Variants in CARMIL3 observed in about 807,000 individuals in gnomAD.
The protein encoded by CARMIL3 is capping protein, Arp2/3 and myosin-I linker protein 3.
In CARMIL3, 88 loss-of-function variants were observed where a neutral mutation model predicts 180.8. The ratio of observed to expected loss-of-function variants is 0.49; its 90% confidence interval spans 0.41 to 0.58. The LOEUF (loss-of-function observed/expected upper bound fraction) is 0.58, where lower values mean the gene tolerates loss of function less well. CARMIL3 is among the 20% of genes least tolerant of loss of function. CARMIL3 has a pLI of 0.00. For synonymous variants in CARMIL3, 696 were observed against 714.5 expected, an observed-to-expected ratio of 0.97 and a Z score of 0.41; for missense variants, 1,548 against 1,787.0, an observed-to-expected ratio of 0.87 and a Z score of 2.41.
Position 24,054,794 on chromosome 14 carries a change from C to A in CARMIL3, c.446C>A (p.Thr149Asn), listed in dbSNP as rs756195429. 1 of 1,613,870 alleles carries A rather than the reference C, an allele frequency of 6.2e-7. No individual in the cohort carries two copies. Among genetic ancestry groups the A allele is most frequent in the Non-Finnish European group, 8.5e-7 (1 of 1,179,922 alleles). Reference protein sequence around the residue: ...SPNSETSTSTTHSVCGGFSET... With the variant: ...SPNSETSTSTNHSVCGGFSET... ...AACTCTGAGACTTCCACATCTACCACCCACAGTGTCTGCGGTGAGCAGGGG... is the reference window on the plus strand; with the variant it reads ...AACTCTGAGACTTCCACATCTACCAACCACAGTGTCTGCGGTGAGCAGGGG... Residue 149 changes from threonine to asparagine, a missense_variant, in exon 6 of 40, where the codon ACC becomes AAC. Around this residue, in one of 4 missense-constraint regions of CARMIL3, gnomAD observed 578 missense variants for 666.5 expected, o/e 0.87. Coordinates refer to ENST00000342740, the MANE Select transcript of CARMIL3 (RefSeq NM_138360.4). This position sits in a 1 kb window ranked among gnomAD's most constrained non-coding sequence, Gnocchi z 5.1.
intron 36 of CARMIL3, among the ~76,000 whole-genome samples, chr14:24,067,155 A>C (rs1490621407): frequency 6.6e-6 from 1 of 152,228 alleles, no homozygotes; most frequent in Non-Finnish European, 1.5e-5. Flanking sequence ...GGAGGTCAGA[A>C]ACCTGCAGTA....
intron 36 of CARMIL3, among the ~76,000 whole-genome samples, chr14:24,067,188 G>A (rs796466886): frequency 5.3e-5 from 8 of 152,312 alleles, no homozygotes; most frequent in African/African-American, 1.9e-4. Flanking sequence ...AGCCACCCGC[G>A]ACCTTAAACA....
chr14:24,057,277 G>A (rs767390319), intron 14 of CARMIL3, 33 bp downstream of exon 14: 3 of 1,603,774 alleles, frequency 1.9e-6, no homozygotes, highest in Non-Finnish European at 2.6e-6. Context: ...CCAGTCTGAG[G>A]TGATTTGGGG....
At chr14:24,069,275 C>G in intron 39 of CARMIL3, 28 bp downstream of exon 39, 3 of 1,612,432 alleles carry the variant, frequency 1.9e-6, no homozygotes, top group Non-Finnish European at 2.5e-6. Flanking sequence ...GCAGGTCCCC[C>G]CTTCCCACCT....
At chr14:24,052,976 C>T (rs909561389) in intron 1 of CARMIL3, among the ~76,000 whole-genome samples, 2 of 152,180 alleles carry the variant, frequency 1.3e-5, no homozygotes, top group African/African-American at 2.4e-5. Context: ...CCGTGGCAAT[C>T]TCCCACACCT....
rs1201387865 is a variant in CARMIL3 at position 24,065,230 on chromosome 14, C to G, written c.3353C>G (p.Pro1118Arg). The change falls in exon 33 of 40, where the codon CCT becomes CGT. Residue 1118 changes from proline (P) to arginine (R), a missense_variant. By Grantham distance (103) the Pro-to-Arg change is moderately radical. Coordinates refer to ENST00000342740, the MANE Select transcript of CARMIL3 (RefSeq NM_138360.4). ...WSPEEESSLL[P>R]GFGGGRGPSF... Reference sequence around the variant, plus strand: ...CCAGAGGAGGAGAGCAGCCTCCTCCCTGGATTTGGTGGGGGCCGGGGACCT... The same window carrying G: ...CCAGAGGAGGAGAGCAGCCTCCTCCGTGGATTTGGTGGGGGCCGGGGACCT... 1.3e-6 allele frequency: 2 copies of G among 1,555,054 alleles called. No homozygotes were observed. Among genetic ancestry groups the G allele is most frequent in the Non-Finnish European group, 1.7e-6 (2 of 1,157,378 alleles).
chr14:24,069,193 GCA>G lies in CARMIL3; in HGVS notation c.4042_4043del (p.Gln1348ValfsTer3), dbSNP rs777000802. 1.2e-6 allele frequency: 2 copies of G among 1,614,060 alleles called. No individual in the cohort carries two copies. The highest frequency in any genetic ancestry group is 1.7e-6 in the Non-Finnish European group (2 of 1,179,974). ...CCTGAAGCCCAAGAGGACACGGCGG[GCA>G]CAGTCCTGTGACAAGCTGGAACCTG... ...APLKPKRTRRAQSCDKLEPDR... is the reference protein window; with the variant it reads ...APLKPKRTRRXQSCDKLEPDR... On this transcript the variant is annotated frameshift_variant, in exon 39 of 40. Transcript: ENST00000342740. LOFTEE classifies it high-confidence loss of function.
chr14:24,056,263 C>T, intron 10 of CARMIL3, 36 bp from the exon 11 acceptor site: 1 of 1,560,946 alleles, frequency 6.4e-7, no homozygotes, highest in Non-Finnish European at 8.8e-7. Flanking sequence ...ACCTGGGGCT[C>T]AGCTCAGGAC....
At chr14:24,053,863 G>T in intron 2 of CARMIL3, 60 bp downstream of exon 2, 1 of 1,444,274 alleles carries the variant, frequency 6.9e-7, no homozygotes, top group Non-Finnish European at 9.5e-7. Context: ...CTGGCCAGTA[G>T]AGGGCAGGGA....
Position 24,069,606 on chromosome 14 carries a change from A to G in CARMIL3, c.*202A>G. Reference sequence around the variant, plus strand: ...ACGGAGGCTGTCAGTGCCTGCCTCGATACCTCTCTCTGCAGAGAGCTTCTG... The same window carrying G: ...ACGGAGGCTGTCAGTGCCTGCCTCGGTACCTCTCTCTGCAGAGAGCTTCTG... On this transcript the variant is annotated 3_prime_UTR_variant, in exon 40 of 40. Transcript: ENST00000342740. The G allele has an allele frequency of 1.6e-6, 1 of 622,572 alleles. No individual in the cohort carries two copies. The highest frequency in any genetic ancestry group is 2.8e-6 in the Non-Finnish European group (1 of 357,554). The allele number at this position is 622,572 out of a possible 1,614,324, so 38.6% of individuals were successfully genotyped here.
rs200614226 is a variant in CARMIL3 at position 24,065,076 on chromosome 14, G to C, written c.3199G>C (p.Asp1067His). Residue 1067 changes from aspartate (D) to histidine (H), a missense_variant, in exon 33 of 40, where the codon GAC becomes CAC. By Grantham distance (81) the Asp-to-His change is moderately conservative. This residue lies in a region of CARMIL3 where 668 missense variants were observed against 687.8 expected (regional missense o/e 0.97). Transcript: ENST00000342740. The part of the protein sequence containing the change: ...HFRRPRSFKG[D>H]RGPGSPTTGL... ...TCGCCGGCCCCGGAGCTTCAAGGGGGACAGGGGGCCGGGGTCCCCTACCAC... is the reference window on the plus strand; with the variant it reads ...TCGCCGGCCCCGGAGCTTCAAGGGGCACAGGGGGCCGGGGTCCCCTACCAC... The C allele has an allele frequency of 6.3e-6, 10 of 1,593,696 alleles. No homozygotes were observed. The East Asian group carries it at 1.6e-4, about 25-fold the overall frequency.
At position 24,065,107 on chromosome 14, in the gene CARMIL3, T is replaced by A. The variant is rs570190492; in HGVS notation, c.3230T>A (p.Leu1077His). ...DRGPGSPTTGLLLPPPPPPPP... is the reference protein window; with the variant it reads ...DRGPGSPTTGHLLPPPPPPPP... The stretch of plus-strand genomic sequence containing the variant: ...GGGCCGGGGTCCCCTACCACTGGAC[T>A]CCTCCTCCCTCCACCCCCACCCCCT... The change falls in exon 33 of 40, where the codon CTC (leucine) becomes CAC (histidine). Residue 1077 changes from leucine (L) to histidine (H), a missense_variant. By Grantham distance (99) the Leu-to-His change is moderately conservative. This residue lies in a region of CARMIL3 where 668 missense variants were observed against 687.8 expected (regional missense o/e 0.97). Transcript: ENST00000342740. The A allele has an allele frequency of 1.3e-6, 2 of 1,534,020 alleles. No individual in the cohort carries two copies. Among genetic ancestry groups the A allele is most frequent in the Admixed American group, 2.1e-5 (1 of 48,546 alleles).
Position 24,060,008 on chromosome 14 carries a change from A to C in CARMIL3, c.1907A>C (p.Asp636Ala). The change falls in exon 23 of 40, where the codon GAC becomes GCC. Residue 636 changes from aspartate (D) to alanine (A), a missense_variant. Physicochemically the swap from Asp to Ala is moderately radical, Grantham distance 126. This residue lies in a region of CARMIL3 where 297 missense variants were observed against 415.9 expected (regional missense o/e 0.71). Transcript: ENST00000342740. ...CGCTTCATGTCCTTCCCCGTGAGCG[A>C]CATCTCCCAAGCCTATCGCAGCGCG... Reference protein sequence around the residue: ...TLRFMSFPVSDISQAYRSAPE... With the variant: ...TLRFMSFPVSAISQAYRSAPE... 1 of 1,614,024 alleles carries C rather than the reference A, an allele frequency of 6.2e-7. No individual in the cohort carries two copies. The highest frequency in any genetic ancestry group is 2.2e-5 in the East Asian group (1 of 44,880).
chr14:24,066,459 A>G lies in CARMIL3; in HGVS notation c.3587A>G (p.Asp1196Gly). The G allele has an allele frequency of 1.2e-6, 2 of 1,614,220 alleles. No homozygotes were observed. Among genetic ancestry groups the G allele is most frequent in the Admixed American group, 1.7e-5 (1 of 60,028 alleles). ...QAWQKRRSSDDAGPGSWKPPP... is the reference protein window; with the variant it reads ...QAWQKRRSSDGAGPGSWKPPP... ...TGGCAGAAACGGCGCTCTTCAGACG[A>G]CGCAGGTAAGAACAGTCACATTCAA... The change falls in exon 35 of 40, where the codon GAC becomes GGC. Residue 1196 changes from aspartate (D) to glycine (G), a missense_variant. Around this residue, in one of 4 missense-constraint regions of CARMIL3, gnomAD observed 668 missense variants for 687.8 expected, o/e 0.97. Transcript: ENST00000342740.
Position 24,058,876 on chromosome 14 carries a change from C to T in CARMIL3, c.1475-14C>T. On this transcript the variant is annotated splice_polypyrimidine_tract_variant and intron_variant, in intron 18 of 39. Coordinates refer to ENST00000342740, the MANE Select transcript of CARMIL3 (RefSeq NM_138360.4). This position sits in a 1 kb window ranked among gnomAD's most constrained non-coding sequence, Gnocchi z 6.4. ...TCAGGCCTCCAGGCCAGGCCTCTCCCATCTGCTCACCAGGGTTCGACTCGG... is the reference window on the plus strand; with the variant it reads ...TCAGGCCTCCAGGCCAGGCCTCTCCTATCTGCTCACCAGGGTTCGACTCGG... 1 of 1,614,148 alleles carries T rather than the reference C, an allele frequency of 6.2e-7. No homozygotes were observed. Among genetic ancestry groups the T allele is most frequent in the Non-Finnish European group, 8.5e-7 (1 of 1,179,994 alleles).
chr14:24,052,011 G>C lies in CARMIL3; in HGVS notation c.-143G>C, dbSNP rs2035619715. ...CCGAGGCGGGGGGAGGAGCGCTCAA[G>C]CAGCCGCCCCTGACCGGAGCGGGCT... On this transcript the variant is annotated 5_prime_UTR_variant, in exon 1 of 40. Transcript: ENST00000342740. 1 of 709,272 alleles carries C rather than the reference G, an allele frequency of 1.4e-6. No individual in the cohort carries two copies. Among genetic ancestry groups the C allele is most frequent in the Non-Finnish European group, 2.0e-6 (1 of 491,948 alleles). The allele number at this position is 709,272 out of a possible 1,614,324, so 43.9% of individuals were successfully genotyped here.
chr14:24,055,801 C>A lies in CARMIL3; in HGVS notation c.770+12C>A. ...GCCGGGCTTAAGACGTGAGGCCAGT[C>A]TCCTCCTTGGGCAGTAGTGCACCCT... is the stretch of plus-strand genomic sequence containing the variant. On this transcript the variant is annotated intron_variant, in intron 10 of 39. Transcript: ENST00000342740. 1 of 1,613,364 alleles carries A rather than the reference C, an allele frequency of 6.2e-7. No homozygotes were observed. Among genetic ancestry groups the A allele is most frequent in the Non-Finnish European group, 8.5e-7 (1 of 1,179,386 alleles).
At position 24,054,131 on chromosome 14, in the gene CARMIL3, C is replaced by T. The variant is rs768304960; in HGVS notation, c.179C>T (p.Pro60Leu). ...WRLHLFLLKVPAKVESSFNVL... is the reference protein window; with the variant it reads ...WRLHLFLLKVLAKVESSFNVL... ...CTCCACCTCTTCCTCCTTAAAGTCC[C>T]GGCCAAGGTGAGTTGGGCTGAGGAG... The change falls in exon 3 of 40, where the codon CCG becomes CTG. Residue 60 changes from proline to leucine, a missense_variant. Coordinates refer to ENST00000342740, the MANE Select transcript of CARMIL3 (RefSeq NM_138360.4). The surrounding 1 kb of genome is among the most constrained non-coding windows in gnomAD (Gnocchi z 5.1). 1.2e-6 allele frequency: 2 copies of T among 1,614,166 alleles called. No homozygotes were observed. The highest frequency in any genetic ancestry group is 2.2e-5 in the East Asian group (1 of 44,872).
In CARMIL3 at chr14:24,059,585, C is replaced by G; in HGVS notation, c.1800-79C>G. The G allele has an allele frequency of 6.4e-7, 1 of 1,560,492 alleles. No homozygotes were observed. Among genetic ancestry groups the G allele is most frequent in the East Asian group, 2.3e-5 (1 of 43,406 alleles). On this transcript the variant is annotated intron_variant, in intron 21 of 39. Coordinates refer to ENST00000342740, the MANE Select transcript of CARMIL3 (RefSeq NM_138360.4). This position sits in a 1 kb window ranked among gnomAD's most constrained non-coding sequence, Gnocchi z 6.3. ...AACCATCTCTGAGTCAGCCTTATTG[C>G]CCCAAGAGGTTTGTGTCCCTGGCCC... is the stretch of plus-strand genomic sequence containing the variant.
Sources: gnomAD v4.1 joint callset for allele counts (sites outside exome capture counted in the v4.1 genomes callset) on GRCh38, gnomAD v4.1.1 for gene constraint, gnomAD v4.1.1 regional missense constraint, Gnocchi (gnomAD v3.1) non-coding constraint, MANE v1.5 for transcripts, NCBI Gene and HGNC (gene_info 2026-07-23, HGNC 2026-07-21) for gene names.